MTUS1: variants seen among roughly 807,000 people sequenced by gnomAD.
MTUS1 encodes microtubule-associated tumor suppressor 1.
MTUS1 carries 109 observed loss-of-function variants against 120.8 expected under a neutral mutation model. The ratio of observed to expected loss-of-function variants is 0.90; its 90% CI spans 0.77 to 1.06. The LOEUF (loss-of-function observed/expected upper bound fraction) is 1.06. Among genes scored for constraint, MTUS1 ranks in the 50% least tolerant of loss-of-function variants. The pLI is 0.00. For missense variants in MTUS1, 2,210 were observed against 1,486.3 expected, an observed-to-expected ratio of 1.49 and a Z score of -8.01; for synonymous variants, 737 against 550.5, an observed-to-expected ratio of 1.34 and a Z score of -4.74.
intron 3 of MTUS1, among the ~76,000 whole-genome samples, chr8:17,734,770 C>G (rs1002833986): frequency 6.6e-6 from 1 of 152,194 alleles, no homozygotes; most frequent in African/African-American, 2.4e-5. Context: ...TACCATCTGA[C>G]ACCTATGCTA....
At chr8:17,750,378 C>A (rs1335260604) in intron 2 of MTUS1, among the ~76,000 whole-genome samples, 1 of 152,128 alleles carries the variant, frequency 6.6e-6, no homozygotes, top group Non-Finnish European at 1.5e-5. Context: ...AAAAAGCAAC[C>A]CAAAAGTTAA....
At position 17,755,869 on chromosome 8, in the gene MTUS1, G is replaced by T; in HGVS notation, c.-62C>A. The T allele has an allele frequency of 6.5e-7, 1 of 1,541,512 alleles. No homozygotes were observed. ...CTTCTTCAATTCCTTTTAAATGAGA[G>T]GGTGGGCAAAATGGTCTGTCTTCTA... On this transcript the variant is annotated 5_prime_UTR_variant, in exon 2 of 15. Transcript: ENST00000693296.
intron 3 of MTUS1, among the ~76,000 whole-genome samples, chr8:17,737,564 C>G (rs1190564312): frequency 6.6e-6 from 1 of 152,226 alleles, no homozygotes; most frequent in East Asian, 1.9e-4. Context: ...TTATAGCTCA[C>G]TGAACCCTCA....
At chr8:17,655,615 T>G (rs987984074) in intron 9 of MTUS1, among the ~76,000 whole-genome samples, 1 of 152,004 alleles carries the variant, frequency 6.6e-6, no homozygotes, top group Non-Finnish European at 1.5e-5. Context: ...TCCCAGCTAC[T>G]CAGGAGGTTG....
At chr8:17,698,914 C>A (rs1818489929) in intron 6 of MTUS1, among the ~76,000 whole-genome samples, 1 of 152,100 alleles carries the variant, frequency 6.6e-6, no homozygotes, top group Admixed American at 6.5e-5. Flanking sequence ...AAAATCAAGG[C>A]CAGCTGCTTC....
chr8:17,681,261 G>C (rs975761931), intron 7 of MTUS1, among the ~76,000 whole-genome samples: 2 of 152,126 alleles, frequency 1.3e-5, no homozygotes, highest in African/African-American at 4.8e-5. Context: ...AGTTGTTTGT[G>C]TACTGAATCT....
chr8:17,744,571 C>A (rs946218677), intron 2 of MTUS1, among the ~76,000 whole-genome samples: 6 of 151,918 alleles, frequency 3.9e-5, no homozygotes, highest in Non-Finnish European at 8.8e-5. Context: ...CGGGTGCACA[C>A]CACCATCAAT....
Position 17,702,471 on chromosome 8 carries a change from G to A in MTUS1, c.2623+10743C>T, listed in dbSNP as rs57177532. Among the ~76,000 whole-genome samples the A allele has an allele frequency of 1.1e-3, 167 of 152,022 alleles. 2 individuals are homozygous for A. Among genetic ancestry groups the A allele is most frequent in the Middle Eastern group, 3.4e-3 (1 of 292 alleles). On this transcript the variant is annotated intron_variant, in intron 6 of 14. Coordinates refer to ENST00000693296, the MANE Select transcript of MTUS1 (RefSeq NM_001363059.2). ...AACAATATAATATTGTTAACTGTAG[G>A]CACAATGCTGTAACAAACATCTCGA...
At chr8:17,686,087 G>A (rs6586633) in intron 6 of MTUS1, among the ~76,000 whole-genome samples, 90,218 of 152,044 alleles carry the variant, frequency 0.59, 26,866 homozygotes, top group East Asian at 0.71. Context: ...ACAGTGTTTC[G>A]CTCATCACAG....
chr8:17,784,612 G>T (rs1017627278), intron 1 of MTUS1, among the ~76,000 whole-genome samples: 2 of 151,902 alleles, frequency 1.3e-5, no homozygotes, highest in African/African-American at 4.8e-5. Flanking sequence ...AGAATGAAAT[G>T]ATCCCTGTGT....
At chr8:17,647,139 T>C (rs947317201) in intron 13 of MTUS1, 60 bp from the exon 14 acceptor site, 2 of 1,316,596 alleles carry the variant, frequency 1.5e-6, no homozygotes, top group Non-Finnish European at 2.2e-6. Flanking sequence ...CCCTCATTTC[T>C]TAAGGCACCT....
intron 6 of MTUS1, among the ~76,000 whole-genome samples, chr8:17,691,803 T>C (rs987500266): frequency 1.3e-5 from 2 of 152,178 alleles, no homozygotes; most frequent in Non-Finnish European, 2.9e-5. Context: ...ACTGTCACCT[T>C]AACAGTACAT....
chr8:17,721,566 A>C (rs781203917), intron 4 of MTUS1: 35 of 983,302 alleles, frequency 3.6e-5, no homozygotes, highest in Non-Finnish European at 5.0e-5. Flanking sequence ...TTCACATCTT[A>C]AATATACATA....
intron 6 of MTUS1, among the ~76,000 whole-genome samples, chr8:17,687,047 A>G (rs1291994256): frequency 1.3e-5 from 2 of 152,220 alleles, no homozygotes; most frequent in Non-Finnish European, 2.9e-5. Context: ...GAATCTAAAC[A>G]TTACGCAGGG....
chr8:17,710,492 C>CA (rs1821072361), intron 6 of MTUS1, among the ~76,000 whole-genome samples: 1 of 152,196 alleles, frequency 6.6e-6, no homozygotes, highest in Admixed American at 6.5e-5. Flanking sequence ...GCAATGCAGT[C>CA]ACACCTTAGG....
chr8:17,736,682 T>A (rs899335962), intron 3 of MTUS1, among the ~76,000 whole-genome samples: 9 of 152,102 alleles, frequency 5.9e-5, no homozygotes, highest in Non-Finnish European at 1.0e-4. Flanking sequence ...CCTCCCAGGT[T>A]CAAGAGATTC....
chr8:17,717,532 A>C (rs368139851), intron 4 of MTUS1, among the ~76,000 whole-genome samples: 77 of 152,380 alleles, frequency 5.1e-4, no homozygotes, highest in African/African-American at 1.6e-3. Flanking sequence ...GATTATATTC[A>C]GCAACAAATA....
chr8:17,761,311 AAG>A (rs1429282972), intron 1 of MTUS1, among the ~76,000 whole-genome samples: 1 of 152,244 alleles, frequency 6.6e-6, no homozygotes, highest in East Asian at 1.9e-4. Context: ...TCTTCATGTG[AAG>A]AGACACACCT....
chr8:17,777,372 G>A (rs1319787135), intron 1 of MTUS1, among the ~76,000 whole-genome samples: 2 of 151,708 alleles, frequency 1.3e-5, no homozygotes, highest in Non-Finnish European at 2.9e-5. Flanking sequence ...CCAGGAGGCA[G>A]AGGCTGCAGT....
Sources: gnomAD v4.1 joint callset for allele counts (sites outside exome capture counted in the v4.1 genomes callset) on GRCh38, gnomAD v4.1.1 for gene constraint, MANE v1.5 for transcripts, NCBI Gene and HGNC (gene_info 2026-07-23, HGNC 2026-07-21) for gene names.